DOCK2: variants seen among roughly 807,000 people sequenced by gnomAD.
DOCK2 encodes dedicator of cytokinesis protein 2.
DOCK2 carries 87 observed loss-of-function variants against 248.9 expected under a neutral mutation model. That is an observed-to-expected ratio of 0.35 (90% CI 0.29 to 0.42). The LOEUF is 0.42. Among genes scored for constraint, DOCK2 ranks in the 10% least tolerant of loss-of-function variants. The probability of loss-of-function intolerance (pLI) is 1.00; values close to 1 mark genes in which losing one functional copy is unlikely to be tolerated. For synonymous variants in DOCK2, 805 were observed against 821.6 expected (o/e 0.98, Z 0.35); for missense variants, 1,747 against 2,300.2 (o/e 0.76, Z 4.92).
chr5:169,927,839 A>T (rs538441824), intron 27 of DOCK2, among the ~76,000 whole-genome samples: 1 of 152,234 alleles, frequency 6.6e-6, no homozygotes, highest in South Asian at 2.1e-4. Flanking sequence ...GATGGTCTCA[A>T]TCTCCTGACC....
chr5:169,695,844 G>T lies in DOCK2; in HGVS notation c.885G>T (p.Leu295Phe). The change falls in exon 10 of 52, where the codon TTG (leucine) becomes TTT (phenylalanine). Residue 295 changes from leucine (L) to phenylalanine (F), a missense_variant. Around this residue, in one of 4 missense-constraint regions of DOCK2, gnomAD observed 375 missense variants for 510.9 expected, o/e 0.73. Transcript: ENST00000520908. Reference sequence around the variant, plus strand: ...ACCTCAACAGGGATAAAATTTACTTGATTTGTCAAATAGTCCGGGTCGGCA... The same window carrying T: ...ACCTCAACAGGGATAAAATTTACTTTATTTGTCAAATAGTCCGGGTCGGCA... ...NKDLNRDKIY[L>F]ICQIVRVGKM... 1 of 1,613,892 alleles carries T rather than the reference G, an allele frequency of 6.2e-7. No homozygotes were observed. Among genetic ancestry groups the T allele is most frequent in the South Asian group, 1.1e-5 (1 of 91,054 alleles).
At chr5:169,860,249 C>T (rs1014072975) in intron 27 of DOCK2, among the ~76,000 whole-genome samples, 5 of 152,108 alleles carry the variant, frequency 3.3e-5, no homozygotes, top group Admixed American at 6.6e-5. Flanking sequence ...TGTGAGCCAT[C>T]GTGCCCACAG....
At chr5:170,001,007 TG>T (rs1754812981) in intron 30 of DOCK2, among the ~76,000 whole-genome samples, 1 of 152,190 alleles carries the variant, frequency 6.6e-6, no homozygotes, top group Non-Finnish European at 1.5e-5. Flanking sequence ...GGGGGACTCA[TG>T]GTGGGATGGT....
At chr5:170,038,088 G>T (rs1005565701) in intron 36 of DOCK2, among the ~76,000 whole-genome samples, 1 of 152,220 alleles carries the variant, frequency 6.6e-6, no homozygotes, top group African/African-American at 2.4e-5. Flanking sequence ...GCAGCACAAA[G>T]CTTTGGGGTC....
At chr5:170,053,152 C>T (rs574310265) in intron 41 of DOCK2, among the ~76,000 whole-genome samples, 1 of 152,374 alleles carries the variant, frequency 6.6e-6, no homozygotes, top group South Asian at 2.1e-4. Context: ...ACCAGCCATC[C>T]TCCTGGTACA....
intron 27 of DOCK2, among the ~76,000 whole-genome samples, chr5:169,909,214 G>A (rs539822935): frequency 9.9e-5 from 15 of 152,274 alleles, no homozygotes; most frequent in African/African-American, 3.6e-4. Context: ...ACCACATGAA[G>A]CTATCTAAAT....
chr5:169,709,503 C>T (rs1761458706), intron 15 of DOCK2, among the ~76,000 whole-genome samples: 1 of 152,144 alleles, frequency 6.6e-6, no homozygotes, highest in African/African-American at 2.4e-5. Context: ...GAGCTCGAGA[C>T]CAGCCTGGGC....
chr5:169,853,743 A>G lies in DOCK2; in HGVS notation c.2799+12891A>G, dbSNP rs995097923. ...TCTGCTTAAAGGGAACATGACTTGC[A>G]TATTTCTGGAGTTTTACTTTTAAAA... On this transcript the variant is annotated intron_variant, in intron 27 of 51. Transcript: ENST00000520908. Among the ~76,000 whole-genome samples the G allele has an allele frequency of 3.5e-5, 5 of 143,044 alleles. No individual in the cohort carries two copies. In the South Asian group the frequency reaches 6.6e-4, roughly 19 times the overall value. The allele number at this position is 143,044 out of a possible 152,430, so 93.8% of individuals were successfully genotyped here.
intron 50 of DOCK2, chr5:170,080,644 G>A (rs1757997674): frequency 4.4e-6 from 1 of 227,078 alleles, no homozygotes; most frequent in South Asian, 1.0e-4. Flanking sequence ...TGGCTTCTTT[G>A]TGGACCTGGA....
At position 169,719,586 on chromosome 5, in the gene DOCK2, T is replaced by C. The variant is rs185437665; in HGVS notation, c.2267+795T>C. 1.0e-3 allele frequency among the ~76,000 whole-genome samples: 159 copies of C among 152,224 alleles called. 1 individual carries two copies. Among genetic ancestry groups the C allele is most frequent in the African/African-American group, 3.6e-3 (151 of 41,532 alleles). The stretch of plus-strand genomic sequence containing the variant: ...GTAGTCGGCCTCAGGCATGGCTGAG[T>C]CCAGATGCTCAGCGTTATTGGGATA... On this transcript the variant is annotated intron_variant, in intron 22 of 51. Transcript: ENST00000520908.
chr5:169,700,950 A>AAAG (rs375682966), intron 13 of DOCK2, among the ~76,000 whole-genome samples: 60 of 151,814 alleles, frequency 4.0e-4, no homozygotes, highest in African/African-American at 1.4e-3. Context: ...GGAGAGAAAG[A>AAAG]AAGAAAGAAA....
intron 22 of DOCK2, among the ~76,000 whole-genome samples, chr5:169,734,761 C>G (rs890220413): frequency 1.2e-4 from 19 of 152,204 alleles, no homozygotes; most frequent in African/African-American, 3.6e-4. Context: ...TTCTTTTCCT[C>G]TATTTTGAAG....
At chr5:169,805,523 A>G (rs959126719) in intron 26 of DOCK2, among the ~76,000 whole-genome samples, 1 of 152,246 alleles carries the variant, frequency 6.6e-6, no homozygotes, top group East Asian at 1.9e-4. Context: ...GGAATATGCC[A>G]GTGGCCCCCA....
chr5:170,010,641 A>G lies in DOCK2; in HGVS notation c.3232+1895A>G, dbSNP rs143010434. Among the ~76,000 whole-genome samples the G allele has an allele frequency of 3.7e-3, 562 of 152,346 alleles. 3 individuals carry two copies. Among genetic ancestry groups the G allele is most frequent in the African/African-American group, 0.013 (531 of 41,584 alleles). On this transcript the variant is annotated intron_variant, in intron 32 of 51. Coordinates refer to ENST00000520908, the MANE Select transcript of DOCK2 (RefSeq NM_004946.3). ...ACTGGGTTTTTCAATGTATTTTCCA[A>G]TTTATGAATACTAATGAAAACTAAT...
chr5:169,688,216 G>A lies in DOCK2; in HGVS notation c.762-1036G>A, dbSNP rs539267766. On this transcript the variant is annotated intron_variant, in intron 8 of 51. Coordinates refer to ENST00000520908, the MANE Select transcript of DOCK2 (RefSeq NM_004946.3). ...GCTGGGATTACAGGCATGAGCCACT[G>A]TGCCCAGCCCCCTTGAATCTGTTTC... Among the ~76,000 whole-genome samples, 6 of 152,352 alleles carry A rather than the reference G, an allele frequency of 3.9e-5. No individual in the cohort carries two copies. In the East Asian group the frequency reaches 1.2e-3, roughly 29 times the overall value.
intron 47 of DOCK2, among the ~76,000 whole-genome samples, chr5:170,077,064 T>C (rs1735689658): frequency 6.6e-6 from 1 of 152,292 alleles, no homozygotes; most frequent in Non-Finnish European, 1.5e-5. Flanking sequence ...GAAAGCATGA[T>C]ACTTATGATT....
At chr5:170,079,627 C>T (rs1757956620) in intron 49 of DOCK2, 1 of 166,300 alleles carries the variant, frequency 6.0e-6, no homozygotes, top group Non-Finnish European at 1.3e-5. Flanking sequence ...GAGTGTTGGT[C>T]TTGTAAACTA....
intron 25 of DOCK2, among the ~76,000 whole-genome samples, chr5:169,794,150 G>T: frequency 6.6e-6 from 1 of 152,172 alleles, no homozygotes; most frequent in South Asian, 2.1e-4. Context: ...CACCGAAAGC[G>T]CAGTCCACCC....
intron 29 of DOCK2, among the ~76,000 whole-genome samples, chr5:169,990,570 C>G (rs955559960): frequency 4.3e-4 from 66 of 152,212 alleles, no homozygotes; most frequent in Non-Finnish European, 9.3e-4. Flanking sequence ...CTGGAATATG[C>G]TGATTCATTC....
Sources: allele counts gnomAD v4.1 joint callset (sites outside exome capture counted in the v4.1 genomes callset), GRCh38; gene constraint gnomAD v4.1.1; regional missense constraint gnomAD v4.1.1; transcripts MANE v1.5; gene names NCBI Gene and HGNC (gene_info 2026-07-23, HGNC 2026-07-21).